LRRC7: variants seen among roughly 807,000 people sequenced by gnomAD.
LRRC7 encodes the protein leucine rich repeat containing 7.
In LRRC7, 23 loss-of-function variants were observed where a neutral mutation model predicts 175.7. That is an observed-to-expected ratio of 0.13 (90% CI 0.09 to 0.19). The LOEUF is 0.19. LRRC7 is among the 10% of genes least tolerant of loss of function. LRRC7 has a pLI of 1.00. For synonymous variants in LRRC7, 685 were observed against 680.9 expected, an observed-to-expected ratio of 1.01 and a Z score of -0.09; for missense variants, 1,354 against 1,904.7, an observed-to-expected ratio of 0.71 and a Z score of 5.38.
intron 2 of LRRC7, among the ~76,000 whole-genome samples, chr1:69,692,668 C>T (rs971933436): frequency 1.5e-4 from 23 of 152,112 alleles, no homozygotes; most frequent in Non-Finnish European, 3.1e-4. Flanking sequence ...GATCAAATTA[C>T]ACTCATTTAT....
chr1:69,943,249 C>A (rs188998631), intron 8 of LRRC7, among the ~76,000 whole-genome samples: 1 of 152,070 alleles, frequency 6.6e-6, no homozygotes, highest in Non-Finnish European at 1.5e-5. Context: ...TATATCCATA[C>A]AATGGAATAG....
chr1:69,711,285 T>A (rs1664721356), intron 2 of LRRC7, among the ~76,000 whole-genome samples: 2 of 152,172 alleles, frequency 1.3e-5, no homozygotes, highest in Non-Finnish European at 1.5e-5. Flanking sequence ...TTGCTTGGAG[T>A]AATGCTTATC....
chr1:69,598,975 C>A (rs1646947118), intron 1 of LRRC7, among the ~76,000 whole-genome samples: 1 of 152,074 alleles, frequency 6.6e-6, no homozygotes, highest in Admixed American at 6.5e-5. Flanking sequence ...CATACATTTC[C>A]TACCTGACCT....
chr1:69,875,934 A>G (rs1476296904), intron 7 of LRRC7, among the ~76,000 whole-genome samples: 1 of 152,088 alleles, frequency 6.6e-6, no homozygotes, highest in Admixed American at 6.6e-5. Flanking sequence ...GTATGTGGCT[A>G]CCCATTCTGT....
chr1:69,855,538 A>C (rs1042941502), intron 7 of LRRC7, among the ~76,000 whole-genome samples: 3 of 152,154 alleles, frequency 2.0e-5, no homozygotes, highest in African/African-American at 7.2e-5. Flanking sequence ...GGAGTGCTTT[A>C]CTTCCAACTA....
At chr1:69,697,123 C>T (rs1160337071) in intron 2 of LRRC7, among the ~76,000 whole-genome samples, 1 of 152,166 alleles carries the variant, frequency 6.6e-6, no homozygotes. Context: ...CATAAAATCT[C>T]TATGTTTCTC....
intron 5 of LRRC7, 41 bp downstream of exon 5, chr1:69,825,867 C>G: frequency 7.7e-7 from 1 of 1,299,800 alleles, no homozygotes; most frequent in Non-Finnish European, 1.1e-6. Context: ...TTTATATTTC[C>G]ATTGTATAAT....
intron 1 of LRRC7, among the ~76,000 whole-genome samples, chr1:69,611,653 A>G (rs556766441): frequency 1.3e-5 from 2 of 152,198 alleles, no homozygotes; most frequent in Non-Finnish European, 2.9e-5. Context: ...AATCAAGCTT[A>G]CCTAACACAC....
intron 7 of LRRC7, among the ~76,000 whole-genome samples, chr1:69,900,964 T>C (rs1646118674): frequency 1.3e-5 from 2 of 152,348 alleles, no homozygotes; most frequent in South Asian, 2.1e-4. Context: ...ATGTATACAG[T>C]GGTTTTGCAG....
At chr1:70,110,180 G>A (rs1032780915) in intron 26 of LRRC7, among the ~76,000 whole-genome samples, 2 of 152,242 alleles carry the variant, frequency 1.3e-5, no homozygotes, top group Non-Finnish European at 2.9e-5. Flanking sequence ...AGAAGTTTAA[G>A]GCCAGCCTTG....
At position 69,865,512 on chromosome 1, in the gene LRRC7, A is replaced by G. The variant is rs1336132948; in HGVS notation, c.647+27229A>G. ...TTTTTTTTGAAACGGAGTCCCGCTC[A>G]GTGCCCCAGGCTGGATGGAGTGCAG... is the stretch of plus-strand genomic sequence containing the variant. On this transcript the variant is annotated intron_variant, in intron 7 of 26. Transcript: ENST00000651989. Among the ~76,000 whole-genome samples, 4 of 54,328 alleles carry G rather than the reference A, an allele frequency of 7.4e-5. No individual in the cohort carries two copies. The East Asian group carries it at 2.0e-3, about 27-fold the overall frequency. The allele number at this position is 54,328 out of a possible 152,430, so 35.6% of individuals were successfully genotyped here.
chr1:69,794,614 G>T (rs1675505188), intron 4 of LRRC7, among the ~76,000 whole-genome samples: 1 of 152,094 alleles, frequency 6.6e-6, no homozygotes, highest in Non-Finnish European at 1.5e-5. Flanking sequence ...AATAGTATAT[G>T]GACAATTATC....
intron 2 of LRRC7, among the ~76,000 whole-genome samples, chr1:69,679,792 T>C (rs1227800500): frequency 6.6e-6 from 1 of 152,128 alleles, no homozygotes; most frequent in Non-Finnish European, 1.5e-5. Context: ...CAAATGGTTA[T>C]CACAGAGTTA....
intron 7 of LRRC7, among the ~76,000 whole-genome samples, chr1:69,876,885 G>GC (rs1360080946): frequency 2.6e-5 from 4 of 152,082 alleles, no homozygotes; most frequent in African/African-American, 9.7e-5. Context: ...ATTCAGTACA[G>GC]CATAGTATAT....
At chr1:69,619,536 G>A (rs1189219224) in intron 1 of LRRC7, among the ~76,000 whole-genome samples, 2 of 152,154 alleles carry the variant, frequency 1.3e-5, no homozygotes, top group Non-Finnish European at 2.9e-5. Flanking sequence ...TGAATTTCAA[G>A]CTGAATTTGT....
At chr1:69,699,331 A>G (rs1663032166) in intron 2 of LRRC7, among the ~76,000 whole-genome samples, 1 of 152,038 alleles carries the variant, frequency 6.6e-6, no homozygotes, top group Non-Finnish European at 1.5e-5. Flanking sequence ...CACAAGGTCA[A>G]TAGATCAAAA....
At chr1:69,834,736 A>G (rs566742557) in intron 5 of LRRC7, 44 bp from the exon 6 acceptor site, 2 of 1,416,716 alleles carry the variant, frequency 1.4e-6, no homozygotes, top group South Asian at 1.2e-5. Flanking sequence ...TTCTGTTTCT[A>G]TAGCAACATC....
At chr1:69,803,862 C>G (rs1676806125) in intron 4 of LRRC7, among the ~76,000 whole-genome samples, 1 of 151,276 alleles carries the variant, frequency 6.6e-6, no homozygotes, top group Admixed American at 6.6e-5. Context: ...TTCTCCATTA[C>G]ATTCCTAACA....
At chr1:69,911,940 A>C (rs1393518998) in intron 7 of LRRC7, among the ~76,000 whole-genome samples, 5 of 152,182 alleles carry the variant, frequency 3.3e-5, no homozygotes, top group African/African-American at 1.2e-4. Flanking sequence ...AACTACAATA[A>C]TTTTAAAAAT....
Sources: gnomAD v4.1 joint callset for allele counts (sites outside exome capture counted in the v4.1 genomes callset) on GRCh38, gnomAD v4.1.1 for gene constraint, MANE v1.5 for transcripts, NCBI Gene and HGNC (gene_info 2026-07-23, HGNC 2026-07-21) for gene names.